The following GALNT13 variants were observed in gnomAD, a reference collection of about 807,000 sequenced individuals.
GALNT13 encodes polypeptide N-acetylgalactosaminyltransferase 13.
In GALNT13, 28 loss-of-function variants were observed where a neutral mutation model predicts 64.2. The ratio of observed to expected loss-of-function variants is 0.44; its 90% CI spans 0.32 to 0.60. The LOEUF (loss-of-function observed/expected upper bound fraction) is 0.60, where lower values mean the gene tolerates loss of function less well. Among genes scored for constraint, GALNT13 ranks in the 20% least tolerant of loss-of-function variants. The pLI, the probability that GALNT13 is intolerant of heterozygous loss-of-function variation, is 0.05. For synonymous variants in GALNT13, 214 were observed against 224.6 expected (o/e 0.95, Z 0.42); for missense variants, 577 against 669.8 (o/e 0.86, Z 1.53).
At chr2:153,168,268 A>G in the GALNT13 span, among the ~76,000 whole-genome samples, 2 of 152,328 alleles carry the variant, frequency 1.3e-5, no homozygotes, top group Admixed American at 1.3e-4. Context: ...GAAATATTTT[A>G]ATGTGAAATA....
intron 8 of GALNT13, among the ~76,000 whole-genome samples, chr2:154,292,623 A>G (rs1277108660): frequency 1.3e-5 from 2 of 152,236 alleles, no homozygotes; most frequent in Non-Finnish European, 2.9e-5. Flanking sequence ...GAGCTAGGAT[A>G]TAATATCAGG....
chr2:153,976,436 A>G (rs1318301114), intron 3 of GALNT13, among the ~76,000 whole-genome samples: 2 of 152,132 alleles, frequency 1.3e-5, no homozygotes, highest in Non-Finnish European at 1.5e-5. Context: ...AAAATTCACA[A>G]ATTTCAAGCC....
the GALNT13 span, among the ~76,000 whole-genome samples, chr2:153,772,245 A>G: frequency 1.3e-5 from 2 of 152,216 alleles, no homozygotes; most frequent in African/African-American, 4.8e-5. Context: ...CTGATGTTCT[A>G]TAAGCCTGAA....
chr2:153,656,353 T>C, the GALNT13 span, among the ~76,000 whole-genome samples: 4 of 140,530 alleles, frequency 2.8e-5, no homozygotes, highest in Admixed American at 7.0e-5. Flanking sequence ...CGCGCACATA[T>C]GTGTGTGTGC....
chr2:153,453,199 G>A, the GALNT13 span, among the ~76,000 whole-genome samples: 1 of 152,144 alleles, frequency 6.6e-6, no homozygotes, highest in Non-Finnish European at 1.5e-5. Flanking sequence ...AATTCTGGAT[G>A]TTGGCCTTGG....
the GALNT13 span, among the ~76,000 whole-genome samples, chr2:153,549,332 G>C: frequency 1.3e-5 from 2 of 152,166 alleles, no homozygotes; most frequent in Non-Finnish European, 2.9e-5. Context: ...TAAAGTTCCC[G>C]TATTATTTAA....
At chr2:153,902,238 C>A (rs1380934493) in intron 2 of GALNT13, among the ~76,000 whole-genome samples, 1 of 151,812 alleles carries the variant, frequency 6.6e-6, no homozygotes, top group Non-Finnish European at 1.5e-5. Flanking sequence ...TTCATGCTCC[C>A]ACACTACTTT....
chr2:153,281,705 G>A, the GALNT13 span, among the ~76,000 whole-genome samples: 1 of 151,906 alleles, frequency 6.6e-6, no homozygotes, highest in Non-Finnish European at 1.5e-5. Flanking sequence ...CTTTAAAAAT[G>A]CGGAAAATAT....
intron 9 of GALNT13, among the ~76,000 whole-genome samples, chr2:154,355,532 G>T (rs1332625870): frequency 2.0e-5 from 3 of 151,910 alleles, no homozygotes; most frequent in African/African-American, 7.3e-5. Context: ...TTTTCTTTTG[G>T]CATAAAGCAC....
the GALNT13 span, among the ~76,000 whole-genome samples, chr2:153,183,725 A>G: frequency 8.5e-5 from 13 of 152,294 alleles, no homozygotes; most frequent in Non-Finnish European, 1.6e-4. Flanking sequence ...TTAAGGAGGC[A>G]GTCTCTCCCC....
At chr2:154,105,503 G>A (rs956220817) in intron 3 of GALNT13, among the ~76,000 whole-genome samples, 14 of 152,044 alleles carry the variant, frequency 9.2e-5, no homozygotes, top group African/African-American at 3.4e-4. Flanking sequence ...GTCTAGTTGC[G>A]ACAGGTTATA....
the GALNT13 span, among the ~76,000 whole-genome samples, chr2:153,167,099 A>C: frequency 6.6e-6 from 1 of 152,206 alleles, no homozygotes; most frequent in East Asian, 1.9e-4. Context: ...TAAGCTGCTA[A>C]ATTTGTGGTA....
At chr2:154,210,329 C>T (rs1047719730) in intron 4 of GALNT13, among the ~76,000 whole-genome samples, 3 of 152,072 alleles carry the variant, frequency 2.0e-5, no homozygotes, top group East Asian at 1.9e-4. Context: ...ATGCTAATTT[C>T]GAATCTTTTG....
At chr2:153,083,741 A>G in the GALNT13 span, among the ~76,000 whole-genome samples, 3 of 152,168 alleles carry the variant, frequency 2.0e-5, no homozygotes, top group South Asian at 6.2e-4. Context: ...TTTTCATTTA[A>G]TGAAGTCCCA....
intron 1 of GALNT13, among the ~76,000 whole-genome samples, chr2:153,894,235 G>C (rs184034253): frequency 5.3e-5 from 8 of 152,114 alleles, no homozygotes; most frequent in Admixed American, 5.3e-4. Flanking sequence ...TGAATCTCTC[G>C]AGACCCCACT....
At chr2:153,855,870 A>T in the GALNT13 span, among the ~76,000 whole-genome samples, 1 of 152,330 alleles carries the variant, frequency 6.6e-6, no homozygotes, top group Middle Eastern at 3.4e-3. Flanking sequence ...TGGTATGTTT[A>T]TCTGATTAAA....
chr2:154,254,010 T>A (rs1336290490), intron 7 of GALNT13, among the ~76,000 whole-genome samples: 1 of 151,820 alleles, frequency 6.6e-6, no homozygotes, highest in Non-Finnish European at 1.5e-5. Context: ...TAGAAGAAGG[T>A]GGAAGGGGAA....
chr2:153,518,709 TATAA>T, the GALNT13 span, among the ~76,000 whole-genome samples: 4 of 152,166 alleles, frequency 2.6e-5, no homozygotes, highest in South Asian at 2.1e-4. Context: ...CTAGAATAAC[TATAA>T]ATATCTATTA....
At chr2:153,636,305 G>T in the GALNT13 span, among the ~76,000 whole-genome samples, 1 of 152,116 alleles carries the variant, frequency 6.6e-6, no homozygotes, top group East Asian at 1.9e-4. Context: ...AACCAGAACA[G>T]CATATACTAC....
Sources: allele counts gnomAD v4.1 joint callset (sites outside exome capture counted in the v4.1 genomes callset), GRCh38; gene constraint gnomAD v4.1.1; transcripts MANE v1.5; gene names NCBI Gene and HGNC (gene_info 2026-07-23, HGNC 2026-07-21).